Variants in AK9 observed in about 807,000 individuals in gnomAD.
AK9 encodes the protein adenylate kinase 9.
In AK9, 191 loss-of-function variants were observed where a neutral mutation model predicts 239.6. That is an observed-to-expected ratio of 0.80 (90% confidence interval 0.71 to 0.90). AK9 has a LOEUF of 0.90. Ranked by LOEUF, AK9 falls within the 40% of genes least tolerant of loss-of-function variation. AK9 has a pLI of 0.00. For synonymous variants in AK9, 689 were observed against 721.0 expected (o/e 0.96, Z 0.71); for missense variants, 1,995 against 2,214.7 (o/e 0.90, Z 1.99).
rs386359303 is a variant in AK9, at chr6:109,551,781, A to AAAG, written c.2752-1480_2752-1479insCTT. ...TTTTTTATTTCTTCCAAAAAAAAAAAGGGGGGTACATGTGCAGAACGTGCA... is the reference window on the plus strand; with the variant it reads ...TTTTTTATTTCTTCCAAAAAAAAAAAAAGGGGGGGTACATGTGCAGAACGTGCA... On this transcript the variant is annotated intron_variant, in intron 24 of 40. Coordinates refer to ENST00000424296, the MANE Select transcript of AK9 (RefSeq NM_001145128.3). 5.4e-5 allele frequency among the ~76,000 whole-genome samples: 8 copies of AAAG among 147,948 alleles called. No homozygotes were observed. In the South Asian group the frequency reaches 6.3e-4, roughly 12 times the overall value.
chr6:109,530,334 A>C (rs1289340640), intron 28 of AK9, among the ~76,000 whole-genome samples: 1 of 152,204 alleles, frequency 6.6e-6, no homozygotes, highest in African/African-American at 2.4e-5. Context: ...GCATGCAAGA[A>C]TTATTTGTAG....
chr6:109,566,704 C>T (rs1167082773), intron 21 of AK9, among the ~76,000 whole-genome samples: 1 of 152,034 alleles, frequency 6.6e-6, no homozygotes, highest in Non-Finnish European at 1.5e-5. Context: ...ATAATGGACA[C>T]TGGAGACTCA....
intron 10 of AK9, among the ~76,000 whole-genome samples, chr6:109,637,509 G>T (rs1407494900): frequency 1.3e-5 from 2 of 152,092 alleles, no homozygotes; most frequent in African/African-American, 4.8e-5. Flanking sequence ...GGCTTCTACT[G>T]ATAGTGCTGA....
chr6:109,634,420 C>A, intron 10 of AK9, among the ~76,000 whole-genome samples: 1 of 152,226 alleles, frequency 6.6e-6, no homozygotes, highest in Non-Finnish European at 1.5e-5. Flanking sequence ...ACCTAGTCTG[C>A]GGTATTCTGC....
At chr6:109,530,431 C>T (rs1457688124) in intron 28 of AK9, among the ~76,000 whole-genome samples, 1 of 152,170 alleles carries the variant, frequency 6.6e-6, no homozygotes, top group Non-Finnish European at 1.5e-5. Context: ...TGAGAATTTA[C>T]AAAAACTTCC....
At chr6:109,635,708 G>A (rs1280859033) in intron 10 of AK9, among the ~76,000 whole-genome samples, 1 of 152,210 alleles carries the variant, frequency 6.6e-6, no homozygotes, top group African/African-American at 2.4e-5. Context: ...TTAATGCCTG[G>A]CAAATGTCTT....
intron 21 of AK9, among the ~76,000 whole-genome samples, chr6:109,569,450 G>T (rs186022218): frequency 2.0e-5 from 3 of 152,112 alleles, no homozygotes; most frequent in African/African-American, 7.2e-5. Context: ...AAACTAAGGA[G>T]GTTCTGCCCA....
At chr6:109,516,346 A>C in intron 30 of AK9, 84 bp downstream of exon 30, 1 of 1,205,776 alleles carries the variant, frequency 8.3e-7, no homozygotes, top group Middle Eastern at 1.9e-4. Context: ...TTAAATGTTT[A>C]AAGAAATGGC....
chr6:109,685,820 T>C (rs950353387), intron 1 of AK9, among the ~76,000 whole-genome samples: 2 of 152,204 alleles, frequency 1.3e-5, no homozygotes, highest in Non-Finnish European at 2.9e-5. Flanking sequence ...GAGTAAATCA[T>C]TCTGAATGAA....
chr6:109,500,337 A>G (rs1471485591), intron 35 of AK9, among the ~76,000 whole-genome samples: 1 of 152,216 alleles, frequency 6.6e-6, no homozygotes, highest in Non-Finnish European at 1.5e-5. Context: ...ATGCTTACCC[A>G]GAACAAAAAT....
intron 23 of AK9, among the ~76,000 whole-genome samples, 152 bp from the exon 24 acceptor site, chr6:109,563,864 G>A (rs538524417): frequency 1.4e-4 from 22 of 152,270 alleles, no homozygotes; most frequent in African/African-American, 4.1e-4. Flanking sequence ...AGTTCCTTAC[G>A]TGACAACTGG....
intron 5 of AK9, among the ~76,000 whole-genome samples, chr6:109,665,996 A>T (rs1466450318): frequency 6.6e-6 from 1 of 152,194 alleles, no homozygotes; most frequent in South Asian, 2.1e-4. Flanking sequence ...GTGTACATGT[A>T]TATTGGAATG....
At chr6:109,631,186 T>C in intron 12 of AK9, among the ~76,000 whole-genome samples, 1 of 152,174 alleles carries the variant, frequency 6.6e-6, no homozygotes, top group East Asian at 1.9e-4. Context: ...ACAAGGTTGA[T>C]AAATCATTCC....
chr6:109,538,168 TTC>T (rs2128142424), intron 27 of AK9, among the ~76,000 whole-genome samples: 1 of 152,274 alleles, frequency 6.6e-6, no homozygotes, highest in South Asian at 2.1e-4. Context: ...CTTGTGAACT[TTC>T]TGTCTCGTTG....
chr6:109,606,575 T>C (rs893930259), intron 17 of AK9, among the ~76,000 whole-genome samples: 2 of 152,074 alleles, frequency 1.3e-5, no homozygotes, highest in African/African-American at 2.4e-5. Context: ...AAACACAGAG[T>C]GGCAGGTTTG....
intron 29 of AK9, among the ~76,000 whole-genome samples, chr6:109,526,353 A>C (rs1780521433): frequency 6.6e-6 from 1 of 152,210 alleles, no homozygotes; most frequent in African/African-American, 2.4e-5. Context: ...AAGGCAATAG[A>C]TAATTAAAAT....
At chr6:109,603,899 C>T (rs1317832105) in intron 17 of AK9, among the ~76,000 whole-genome samples, 2 of 152,152 alleles carry the variant, frequency 1.3e-5, no homozygotes. Flanking sequence ...TCCTGGTGTG[C>T]CATTTGCTAA....
In AK9 at chr6:109,555,813, G is replaced by C. The variant is rs144829689; in HGVS notation, c.2752-5511C>G. On this transcript the variant is annotated intron_variant, in intron 24 of 40. Coordinates refer to ENST00000424296, the MANE Select transcript of AK9 (RefSeq NM_001145128.3). Reference sequence around the variant, plus strand: ...TAATGGTTTCAAGTCCGTTTGGTCAGAGACTAAGATTGTGACCCCTGCTTT... The same window carrying C: ...TAATGGTTTCAAGTCCGTTTGGTCACAGACTAAGATTGTGACCCCTGCTTT... Among the ~76,000 whole-genome samples the C allele has an allele frequency of 3.9e-4, 59 of 152,294 alleles. 1 individual carries two copies. The East Asian group carries it at 9.8e-3, about 25-fold the overall frequency.
rs146053106 is a variant in AK9 at position 109,616,862 on chromosome 6, A to T, written c.1399+2230T>A. ...AAGTATTGGAAAAAGAGGGGTTTAA[A>T]CTATACTTCTTTTCAAATTATATGA... On this transcript the variant is annotated intron_variant, in intron 13 of 40. Transcript: ENST00000424296. 9.7e-3 allele frequency among the ~76,000 whole-genome samples: 1,471 copies of T among 152,248 alleles called. 30 individuals carry two copies. The highest frequency in any genetic ancestry group is 0.034 in the African/African-American group (1,397 of 41,548).
Sources: gnomAD v4.1 joint callset for allele counts (sites outside exome capture counted in the v4.1 genomes callset) on GRCh38, gnomAD v4.1.1 for gene constraint, MANE v1.5 for transcripts, NCBI Gene and HGNC (gene_info 2026-07-23, HGNC 2026-07-21) for gene names.